CACNA1C: variants seen among roughly 807,000 people sequenced by gnomAD.
CACNA1C encodes calcium voltage-gated channel subunit alpha1 C.
In CACNA1C, 30 loss-of-function variants were observed where a neutral mutation model predicts 229.0. The observed-to-expected ratio is 0.13, with a 90% CI of 0.10 to 0.18. The LOEUF is 0.18. Ranked by LOEUF, CACNA1C falls within the 10% of genes least tolerant of loss-of-function variation. The pLI, the probability that CACNA1C is intolerant of heterozygous loss-of-function variation, is 1.00. For missense variants in CACNA1C, 1,658 were observed against 2,845.0 expected (o/e 0.58, Z 9.49); for synonymous variants, 1,114 against 1,132.5 (o/e 0.98, Z 0.33).
At chr12:2,425,765 A>T (rs1333879229) in intron 3 of CACNA1C, among the ~76,000 whole-genome samples, 1 of 152,186 alleles carries the variant, frequency 6.6e-6, no homozygotes, top group African/African-American at 2.4e-5. Context: ...CACTTTAAAG[A>T]CTTTACTGAA....
intron 5 of CACNA1C, among the ~76,000 whole-genome samples, chr12:2,471,875 T>A (rs1246234639): frequency 1.3e-5 from 2 of 152,322 alleles, no homozygotes; most frequent in South Asian, 2.1e-4. Flanking sequence ...GAGACGGGGT[T>A]TCACCATCTT....
intron 13 of CACNA1C, among the ~76,000 whole-genome samples, chr12:2,571,491 T>C (rs2054384131): frequency 6.6e-6 from 1 of 152,196 alleles, no homozygotes; most frequent in Admixed American, 6.5e-5. Flanking sequence ...AGAAAAGAAA[T>C]CTTGCTGCTA....
rs2096938089 is a variant in CACNA1C, at chr12:2,678,498, C to G, written c.5091+631C>G. Among the ~76,000 whole-genome samples the G allele has an allele frequency of 6.6e-6, 1 of 152,202 alleles. No homozygotes were observed. The highest frequency in any genetic ancestry group is 1.5e-5 in the Non-Finnish European group (1 of 68,032). Reference sequence around the variant, plus strand: ...TTTATCACTCATTTGTGTTGCCTGCCTCACCACGCTGGTGTTTGGTTACAA... The same window carrying G: ...TTTATCACTCATTTGTGTTGCCTGCGTCACCACGCTGGTGTTTGGTTACAA... On this transcript the variant is annotated intron_variant, in intron 41 of 46. Coordinates refer to ENST00000399655, the MANE Select transcript of CACNA1C (RefSeq NM_000719.7). The surrounding 1 kb of genome is among the most constrained non-coding windows in gnomAD (Gnocchi z 4.1).
intron 1 of CACNA1C, among the ~76,000 whole-genome samples, chr12:2,072,948 T>C (rs2061884033): frequency 6.6e-6 from 1 of 152,122 alleles, no homozygotes. Context: ...GTCTACTAGA[T>C]ACCAGACGGA....
At chr12:2,537,089 G>A (rs150753663) in intron 9 of CACNA1C, among the ~76,000 whole-genome samples, 1 of 152,292 alleles carries the variant, frequency 6.6e-6, no homozygotes, top group Non-Finnish European at 1.5e-5. Flanking sequence ...CCTGGGCAGG[G>A]TCATAAAATA....
At chr12:2,480,702 C>G (rs957269421) in intron 5 of CACNA1C, among the ~76,000 whole-genome samples, 2 of 152,222 alleles carry the variant, frequency 1.3e-5, no homozygotes, top group African/African-American at 4.8e-5. Flanking sequence ...ACCCAAACTT[C>G]TCTTTTCCTA....
chr12:2,324,664 A>G (rs1021111155), intron 3 of CACNA1C, among the ~76,000 whole-genome samples: 1 of 152,262 alleles, frequency 6.6e-6, no homozygotes, highest in Admixed American at 6.5e-5. Context: ...GAAATAGGGC[A>G]GGCTTGCTGG....
At chr12:2,068,606 G>T (rs2060210406) in intron 1 of CACNA1C, among the ~76,000 whole-genome samples, 2 of 152,208 alleles carry the variant, frequency 1.3e-5, no homozygotes, top group Non-Finnish European at 2.9e-5. Flanking sequence ...AGACAGTCCA[G>T]TGGCCCCAAG....
chr12:2,223,747 T>C (rs1216363445), intron 3 of CACNA1C, among the ~76,000 whole-genome samples: 1 of 152,220 alleles, frequency 6.6e-6, no homozygotes, highest in Non-Finnish European at 1.5e-5. Flanking sequence ...AATTGTACCC[T>C]ACGTACATTA....
intron 3 of CACNA1C, among the ~76,000 whole-genome samples, chr12:2,244,617 G>C (rs555289493): frequency 6.6e-6 from 1 of 152,202 alleles, no homozygotes; most frequent in Admixed American, 6.5e-5. Flanking sequence ...TAGGGCATGA[G>C]GGGTGAAGCC....
chr12:2,658,503 A>C (rs2095536442), intron 34 of CACNA1C, among the ~76,000 whole-genome samples: 1 of 152,218 alleles, frequency 6.6e-6, no homozygotes. Context: ...ATAGATAAGT[A>C]TGGCCCATAC....
At chr12:2,385,267 G>C (rs2098354632) in intron 3 of CACNA1C, among the ~76,000 whole-genome samples, 1 of 152,036 alleles carries the variant, frequency 6.6e-6, no homozygotes, top group Non-Finnish European at 1.5e-5. Context: ...AGGAAGACCG[G>C]CCCCCTCAGA....
At chr12:2,212,347 A>G (rs538439214) in intron 3 of CACNA1C, among the ~76,000 whole-genome samples, 40 of 152,346 alleles carry the variant, frequency 2.6e-4, no homozygotes, top group South Asian at 8.3e-4. Flanking sequence ...GCTTCATTCA[A>G]TGTATAGATC....
At chr12:2,407,013 G>A (rs920647832) in intron 3 of CACNA1C, among the ~76,000 whole-genome samples, 1 of 152,254 alleles carries the variant, frequency 6.6e-6, no homozygotes, top group African/African-American at 2.4e-5. Context: ...ACTCAGTGAG[G>A]CAGGGCCTCC....
intron 3 of CACNA1C, among the ~76,000 whole-genome samples, chr12:2,266,321 C>T (rs2082381161): frequency 6.6e-6 from 1 of 152,216 alleles, no homozygotes; most frequent in African/African-American, 2.4e-5. Context: ...TGGGATGCAC[C>T]AGCCACTGGC....
intron 1 of CACNA1C, among the ~76,000 whole-genome samples, chr12:2,058,999 C>T (rs1476264869): frequency 1.3e-5 from 2 of 152,192 alleles, no homozygotes; most frequent in Admixed American, 1.3e-4. Context: ...TTGAGGCACC[C>T]CTGGAGGCAG....
chr12:2,080,278 CAAAA>C (rs2065006902), intron 1 of CACNA1C, among the ~76,000 whole-genome samples: 1 of 149,424 alleles, frequency 6.7e-6, no homozygotes. Flanking sequence ...AAAACAAAAA[CAAAA>C]AAAACAAATA....
chr12:2,326,923 G>A (rs1397602010), intron 3 of CACNA1C, among the ~76,000 whole-genome samples: 2 of 152,216 alleles, frequency 1.3e-5, no homozygotes, highest in Non-Finnish European at 2.9e-5. Context: ...AACTCCAGGA[G>A]GCTCCTGATT....
At chr12:2,135,525 A>T (rs1227248520) in intron 3 of CACNA1C, among the ~76,000 whole-genome samples, 1 of 132,274 alleles carries the variant, frequency 7.6e-6, no homozygotes, top group Non-Finnish European at 1.5e-5. Context: ...TCCTTCTAAC[A>T]GACAGGACCC....
Sources: gnomAD v4.1 joint callset for allele counts (sites outside exome capture counted in the v4.1 genomes callset) on GRCh38, gnomAD v4.1.1 for gene constraint, Gnocchi (gnomAD v3.1) non-coding constraint, MANE v1.5 for transcripts, NCBI Gene and HGNC (gene_info 2026-07-23, HGNC 2026-07-21) for gene names.